The following NRXN1 variants were observed in gnomAD, a reference collection of about 807,000 sequenced individuals.
NRXN1 encodes the protein neurexin 1.
In NRXN1, 39 loss-of-function variants were observed where a neutral mutation model predicts 150.9. That is an observed-to-expected ratio of 0.26 (90% confidence interval 0.20 to 0.34). The LOEUF is 0.34. Ranked by LOEUF, NRXN1 falls within the 10% of genes least tolerant of loss-of-function variation. NRXN1 has a pLI of 1.00. For missense variants in NRXN1, 1,815 were observed against 1,949.9 expected, an observed-to-expected ratio of 0.93 and a Z score of 1.30; for synonymous variants, 924 against 757.0, an observed-to-expected ratio of 1.22 and a Z score of -3.62.
intron 5 of NRXN1, among the ~76,000 whole-genome samples, chr2:50,849,942 A>C (rs1327926342): frequency 6.6e-6 from 1 of 152,140 alleles, no homozygotes; most frequent in Non-Finnish European, 1.5e-5. Flanking sequence ...TGTGGTGCTC[A>C]TACCTGTAAT....
chr2:50,888,976 A>G (rs562928855), intron 5 of NRXN1, among the ~76,000 whole-genome samples: 43 of 151,854 alleles, frequency 2.8e-4, no homozygotes, highest in African/African-American at 9.4e-4. Flanking sequence ...ATATCAGATT[A>G]TAATATGTTT....
chr2:50,767,830 A>T (rs1702549126), intron 5 of NRXN1, among the ~76,000 whole-genome samples: 1 of 152,080 alleles, frequency 6.6e-6, no homozygotes. Flanking sequence ...TTTAAATTAC[A>T]TTTTAATATT....
chr2:50,260,773 C>G (rs1003785020), intron 17 of NRXN1, among the ~76,000 whole-genome samples: 1 of 151,236 alleles, frequency 6.6e-6, no homozygotes, highest in Non-Finnish European at 1.5e-5. Flanking sequence ...AGAACTAAAC[C>G]ATAGCAGCTT....
chr2:50,090,066 AT>A (rs1201949820), intron 19 of NRXN1, among the ~76,000 whole-genome samples: 1 of 152,206 alleles, frequency 6.6e-6, no homozygotes, highest in East Asian at 1.9e-4. Context: ...GGACATATTA[AT>A]TTCCTTGCTT....
At chr2:50,695,208 C>CATCTT (rs1393497433) in intron 5 of NRXN1, among the ~76,000 whole-genome samples, 1 of 152,000 alleles carries the variant, frequency 6.6e-6, no homozygotes, top group Non-Finnish European at 1.5e-5. Context: ...GGGGGGAAGG[C>CATCTT]ATCTTATCTT....
At chr2:49,973,653 G>T in intron 21 of NRXN1, 2 of 352,748 alleles carry the variant, frequency 5.7e-6, no homozygotes, top group Non-Finnish European at 1.0e-5. Flanking sequence ...ACAAGTTTTG[G>T]TTGTTTTTGC....
chr2:50,942,576 G>A (rs531352308), intron 2 of NRXN1, among the ~76,000 whole-genome samples: 1 of 152,180 alleles, frequency 6.6e-6, no homozygotes, highest in African/African-American at 2.4e-5. Context: ...AGCCAGGGGA[G>A]ATTATTTTGG....
At chr2:50,140,428 T>C (rs975880364) in intron 18 of NRXN1, among the ~76,000 whole-genome samples, 3 of 152,162 alleles carry the variant, frequency 2.0e-5, no homozygotes, top group African/African-American at 7.2e-5. Flanking sequence ...CCTTTGGATA[T>C]GTTAAAGGAA....
chr2:50,528,747 G>A, intron 11 of NRXN1, 96 bp from the exon 12 acceptor site: 1 of 716,716 alleles, frequency 1.4e-6, no homozygotes, highest in Non-Finnish European at 2.4e-6. Context: ...TCCGGGGACA[G>A]ACACATGCAA....
intron 5 of NRXN1, among the ~76,000 whole-genome samples, chr2:50,660,016 C>T (rs1202265409): frequency 1.3e-5 from 2 of 151,872 alleles, no homozygotes; most frequent in African/African-American, 4.8e-5. Flanking sequence ...ATTGATTTAT[C>T]CCAACATCTA....
intron 5 of NRXN1, among the ~76,000 whole-genome samples, chr2:50,726,366 G>A (rs1185832152): frequency 6.6e-6 from 1 of 152,126 alleles, no homozygotes; most frequent in Admixed American, 6.5e-5. Flanking sequence ...AATAACCTTA[G>A]CTGCGCGTGG....
At chr2:50,299,033 T>C (rs570236838) in intron 17 of NRXN1, among the ~76,000 whole-genome samples, 1 of 152,318 alleles carries the variant, frequency 6.6e-6, no homozygotes, top group Non-Finnish European at 1.5e-5. Flanking sequence ...CCTTTTATTA[T>C]GTTCAAAATT....
chr2:50,064,185 CTAAA>C (rs1216561320), intron 19 of NRXN1, among the ~76,000 whole-genome samples: 1 of 151,586 alleles, frequency 6.6e-6, no homozygotes, highest in Non-Finnish European at 1.5e-5. Flanking sequence ...AGACACTAAA[CTAAA>C]TAGAGATAAA....
chr2:50,118,213 T>C (rs1703339128), intron 18 of NRXN1, among the ~76,000 whole-genome samples: 1 of 152,190 alleles, frequency 6.6e-6, no homozygotes, highest in South Asian at 2.1e-4. Flanking sequence ...GCATGTCTTC[T>C]GGGAATCTTG....
rs141499921 is a variant in NRXN1 at position 50,106,651 on chromosome 2, T to G, written c.3547-15157A>C. Among the ~76,000 whole-genome samples the G allele has an allele frequency of 5.1e-4, 77 of 152,098 alleles. No homozygotes were observed. In the East Asian group the frequency reaches 0.014, roughly 29 times the overall value. ...TTTGATAAACTTTCCTAGTCAAAAT[T>G]AAATTATTCCATATTACTTTGAAGT... is the stretch of plus-strand genomic sequence containing the variant. On this transcript the variant is annotated intron_variant, in intron 18 of 22. Coordinates refer to ENST00000401669, the MANE Select transcript of NRXN1 (RefSeq NM_001330078.2).
intron 18 of NRXN1, chr2:50,185,661 G>A (rs1028811721): frequency 6.6e-6 from 1 of 152,066 alleles, no homozygotes; most frequent in African/African-American, 2.4e-5. Flanking sequence ...CTAAATGATG[G>A]TGGAGTCACA....
intron 9 of NRXN1, among the ~76,000 whole-genome samples, chr2:50,545,013 T>A (rs954374751): frequency 6.6e-6 from 1 of 152,176 alleles, no homozygotes; most frequent in African/African-American, 2.4e-5. Context: ...TGTATAAGTA[T>A]TTTATGTGTG....
intron 5 of NRXN1, among the ~76,000 whole-genome samples, chr2:50,794,347 T>C (rs1440484808): frequency 6.6e-6 from 1 of 152,116 alleles, no homozygotes; most frequent in East Asian, 1.9e-4. Context: ...TGAGGACATG[T>C]TATGGCTGTG....
intron 18 of NRXN1, among the ~76,000 whole-genome samples, chr2:50,135,798 C>T (rs1706314413): frequency 6.6e-6 from 1 of 152,156 alleles, no homozygotes; most frequent in Admixed American, 6.6e-5. Flanking sequence ...GTGTTTTAGA[C>T]TTTCATGTAG....
Sources: allele counts gnomAD v4.1 joint callset (sites outside exome capture counted in the v4.1 genomes callset), GRCh38; gene constraint gnomAD v4.1.1; transcripts MANE v1.5; gene names NCBI Gene and HGNC (gene_info 2026-07-23, HGNC 2026-07-21).